Variants in MDGA2 observed in about 807,000 individuals in gnomAD.
MDGA2 encodes the protein MAM domain containing glycosylphosphatidylinositol anchor 2.
Under a neutral mutation model 117.8 loss-of-function variants are expected in MDGA2, and 40 were observed. The observed-to-expected ratio is 0.34, with a 90% CI of 0.26 to 0.44. MDGA2 has a LOEUF of 0.44. Ranked by LOEUF, MDGA2 falls within the 20% of genes least tolerant of loss-of-function variation. The probability of loss-of-function intolerance (pLI) is 1.00; values close to 1 mark genes in which losing one functional copy is unlikely to be tolerated. For synonymous variants in MDGA2, 452 were observed against 439.0 expected (o/e 1.03, Z -0.37); for missense variants, 1,123 against 1,250.6 (o/e 0.90, Z 1.54).
chr14:47,476,979 T>C (rs943543996), intron 1 of MDGA2, among the ~76,000 whole-genome samples: 5 of 152,008 alleles, frequency 3.3e-5, no homozygotes, highest in African/African-American at 9.7e-5. Context: ...CTGACCAACA[T>C]GGTGAAACCC....
At chr14:47,381,173 A>T (rs1891615724) in intron 1 of MDGA2, among the ~76,000 whole-genome samples, 1 of 152,220 alleles carries the variant, frequency 6.6e-6, no homozygotes, top group South Asian at 2.1e-4. Context: ...CTTCAAGCTA[A>T]AAACTCTCAA....
chr14:47,212,514 C>T (rs928140856), intron 3 of MDGA2, among the ~76,000 whole-genome samples: 1 of 152,108 alleles, frequency 6.6e-6, no homozygotes, highest in Non-Finnish European at 1.5e-5. Context: ...CCAGAGGCAA[C>T]CTTTTCTAAT....
rs562419769 is a variant in MDGA2 at position 47,546,994 on chromosome 14, A to G, written c.280+127523T>C. ...ATTTGTCCTCCATGATTCACAAAGG[A>G]ACAAAACAAGTTGTTTTTTAAAAAA... On this transcript the variant is annotated intron_variant, in intron 1 of 16. Coordinates refer to ENST00000399232, the MANE Select transcript of MDGA2 (RefSeq NM_001113498.3). Among the ~76,000 whole-genome samples the G allele has an allele frequency of 2.4e-4, 36 of 152,308 alleles. No individual in the cohort carries two copies. The South Asian group carries it at 5.4e-3, about 23-fold the overall frequency.
chr14:47,622,460 T>C (rs932477500), intron 1 of MDGA2, among the ~76,000 whole-genome samples: 6 of 152,190 alleles, frequency 3.9e-5, no homozygotes, highest in African/African-American at 1.2e-4. Context: ...TCAAGGACAT[T>C]TTCCTCAGGT....
intron 2 of MDGA2, among the ~76,000 whole-genome samples, chr14:47,248,022 A>G (rs1887307879): frequency 6.6e-6 from 1 of 151,546 alleles, no homozygotes; most frequent in Non-Finnish European, 1.5e-5. Flanking sequence ...TATATGTGCC[A>G]CATTTTCTTT....
intron 7 of MDGA2, chr14:47,059,302 T>A (rs1889795823): frequency 7.9e-7 from 1 of 1,266,862 alleles, no homozygotes. Context: ...ACCACATCTA[T>A]CTGTAGTTAA....
intron 1 of MDGA2, among the ~76,000 whole-genome samples, chr14:47,416,384 T>C (rs1482179133): frequency 6.6e-6 from 1 of 152,228 alleles, no homozygotes; most frequent in East Asian, 1.9e-4. Context: ...TTTGACTTGA[T>C]ATCCAGTCTC....
chr14:47,461,898 G>A (rs1301790461), intron 1 of MDGA2, among the ~76,000 whole-genome samples: 1 of 152,104 alleles, frequency 6.6e-6, no homozygotes, highest in African/African-American at 2.4e-5. Context: ...TGAGTAATGT[G>A]CTTTCAGGAT....
At chr14:47,593,537 A>G (rs1462682147) in intron 1 of MDGA2, among the ~76,000 whole-genome samples, 4 of 152,210 alleles carry the variant, frequency 2.6e-5, no homozygotes, top group African/African-American at 9.6e-5. Context: ...ACCATGGAAT[A>G]CTATGCAGCC....
At chr14:47,037,677 A>T (rs546892662) in intron 7 of MDGA2, among the ~76,000 whole-genome samples, 1 of 152,296 alleles carries the variant, frequency 6.6e-6, no homozygotes, top group Admixed American at 6.5e-5. Context: ...TAAGGCCAAC[A>T]TCTATATTTC....
At chr14:47,095,373 T>C (rs1396129190) in intron 6 of MDGA2, among the ~76,000 whole-genome samples, 1 of 151,960 alleles carries the variant, frequency 6.6e-6, no homozygotes, top group African/African-American at 2.4e-5. Flanking sequence ...TAGAAAACCA[T>C]GATCATCAAT....
chr14:47,026,989 T>C (rs1333637559), intron 8 of MDGA2, among the ~76,000 whole-genome samples: 2 of 151,616 alleles, frequency 1.3e-5, no homozygotes, highest in African/African-American at 4.8e-5. Context: ...CTGGGCAACA[T>C]AGCAAGACTC....
intron 1 of MDGA2, among the ~76,000 whole-genome samples, chr14:47,413,815 CAA>C (rs1892422052): frequency 6.6e-6 from 1 of 151,618 alleles, no homozygotes; most frequent in African/African-American, 2.4e-5. Context: ...GTTATGAAAA[CAA>C]GGGAATAGAG....
chr14:47,608,692 C>G (rs576007253), intron 1 of MDGA2, among the ~76,000 whole-genome samples: 2 of 152,182 alleles, frequency 1.3e-5, no homozygotes, highest in South Asian at 4.1e-4. Flanking sequence ...CTGGAAAGTT[C>G]TAAGCAGCTG....
At chr14:47,223,461 C>T (rs1489415720) in intron 2 of MDGA2, among the ~76,000 whole-genome samples, 1 of 152,052 alleles carries the variant, frequency 6.6e-6, no homozygotes, top group African/African-American at 2.4e-5. Context: ...GAGAGAGGAA[C>T]AGGCAAAAAG....
intron 5 of MDGA2, among the ~76,000 whole-genome samples, chr14:47,116,018 T>G (rs2139078420): frequency 6.6e-6 from 1 of 152,110 alleles, no homozygotes; most frequent in Non-Finnish European, 1.5e-5. Context: ...ACATATGATC[T>G]TATTTATAGT....
At chr14:47,385,010 A>G (rs1891726090) in intron 1 of MDGA2, among the ~76,000 whole-genome samples, 1 of 152,168 alleles carries the variant, frequency 6.6e-6, no homozygotes, top group South Asian at 2.1e-4. Context: ...AGCAGACATG[A>G]TTTCAAGTTC....
intron 14 of MDGA2, chr14:46,871,967 C>A: frequency 3.8e-6 from 1 of 262,792 alleles, no homozygotes. Context: ...GAGCCTGTCT[C>A]ATAAAAAATA....
intron 14 of MDGA2, among the ~76,000 whole-genome samples, chr14:46,859,442 T>C (rs1486463181): frequency 6.6e-6 from 1 of 152,210 alleles, no homozygotes; most frequent in Non-Finnish European, 1.5e-5. Flanking sequence ...TTTTTCTTTC[T>C]GTTACCCTGA....
Sources: allele counts gnomAD v4.1 joint callset (sites outside exome capture counted in the v4.1 genomes callset), GRCh38; gene constraint gnomAD v4.1.1; transcripts MANE v1.5; gene names NCBI Gene and HGNC (gene_info 2026-07-23, HGNC 2026-07-21).